Variants in IL18R1 observed in about 807,000 individuals in gnomAD.
The protein encoded by IL18R1 is interleukin-18 receptor 1.
In IL18R1, 40 loss-of-function variants were observed where a neutral mutation model predicts 48.5. The ratio of observed to expected loss-of-function variants is 0.82; its 90% confidence interval spans 0.64 to 1.07. The LOEUF is 1.07. Ranked by LOEUF, IL18R1 falls within the 50% of genes least tolerant of loss-of-function variation. The pLI is 0.00. For synonymous variants in IL18R1, 232 were observed against 225.9 expected (o/e 1.03, Z -0.24); for missense variants, 596 against 633.7 (o/e 0.94, Z 0.64).
intron 4 of IL18R1, among the ~76,000 whole-genome samples, chr2:102,374,501 G>A (rs1041633139): frequency 6.6e-5 from 10 of 152,168 alleles, no homozygotes; most frequent in South Asian, 2.1e-4. Flanking sequence ...AATTCCGTTC[G>A]GGTGCAGTGG....
intron 2 of IL18R1, among the ~76,000 whole-genome samples, chr2:102,364,846 A>G (rs10182710): frequency 0.44 from 66,689 of 151,908 alleles, 16,416 homozygotes; most frequent in African/African-American, 0.66. Context: ...GGCATCAAGG[A>G]GAAGGCTGAG....
intron 3 of IL18R1, 93 bp downstream of exon 3, chr2:102,368,161 T>A (rs1231115623): frequency 2.9e-6 from 4 of 1,376,920 alleles, no homozygotes; most frequent in Non-Finnish European, 4.1e-6. Flanking sequence ...GGTCAGATAA[T>A]CACCACATCC....
At chr2:102,382,110 T>C (rs1037719257) in intron 6 of IL18R1, among the ~76,000 whole-genome samples, 3 of 151,968 alleles carry the variant, frequency 2.0e-5, no homozygotes, top group African/African-American at 7.3e-5. Flanking sequence ...CCATCTCTAC[T>C]AAAAATACAA....
intron 9 of IL18R1, 56 bp from the exon 10 acceptor site, chr2:102,394,413 T>C: frequency 2.2e-6 from 3 of 1,376,020 alleles, no homozygotes; most frequent in Non-Finnish European, 3.0e-6. Flanking sequence ...CTTAAGTTTG[T>C]ACTTAAATAA....
chr2:102,393,924 G>A (rs970149594), intron 9 of IL18R1, among the ~76,000 whole-genome samples: 2 of 152,112 alleles, frequency 1.3e-5, no homozygotes, highest in African/African-American at 4.8e-5. Flanking sequence ...CTAATGTGTT[G>A]TCTGTAACTT....
At chr2:102,396,479 T>A in intron 10 of IL18R1, 52 bp from the exon 11 acceptor site, 1 of 1,083,198 alleles carries the variant, frequency 9.2e-7, no homozygotes, top group Admixed American at 2.3e-5. Context: ...TTTTATCTCA[T>A]GTTCCCCCTT....
chr2:102,381,265 C>T (rs1679902166), intron 5 of IL18R1, among the ~76,000 whole-genome samples: 1 of 152,194 alleles, frequency 6.6e-6, no homozygotes, highest in Non-Finnish European at 1.5e-5. Flanking sequence ...CACTGGCCAG[C>T]TGAGGAGGAC....
rs772362542 is a variant in IL18R1 at position 102,390,232 on chromosome 2, G to T, written c.1111+15G>T. 1 of 1,609,164 alleles carries T rather than the reference G, an allele frequency of 6.2e-7. No homozygotes were observed. The highest frequency in any genetic ancestry group is 8.5e-7 in the Non-Finnish European group (1 of 1,175,810). On this transcript the variant is annotated intron_variant, in intron 9 of 10. Coordinates refer to ENST00000233957, the MANE Select transcript of IL18R1 (RefSeq NM_003855.5). Reference sequence around the variant, plus strand: ...AACATTAACAGGTAACACATATAATGCTGGAATTTCTTACCTTATGTTCTC... The same window carrying T: ...AACATTAACAGGTAACACATATAATTCTGGAATTTCTTACCTTATGTTCTC...
chr2:102,386,434 G>A (rs151149119), intron 7 of IL18R1, among the ~76,000 whole-genome samples: 198 of 152,260 alleles, frequency 1.3e-3, no homozygotes, highest in African/African-American at 4.7e-3. Context: ...CCAGTTTGTT[G>A]GATTCCATGG....
intron 5 of IL18R1, among the ~76,000 whole-genome samples, chr2:102,378,092 C>G (rs926414035): frequency 1.3e-5 from 2 of 152,094 alleles, no homozygotes; most frequent in Admixed American, 6.6e-5. Context: ...GAACCTACAC[C>G]CTCTTTCCCA....
At position 102,362,654 on chromosome 2, in the gene IL18R1, C is replaced by G. The variant is rs1678643641; in HGVS notation, c.-7C>G. On this transcript the variant is annotated 5_prime_UTR_variant, in exon 2 of 11. The change creates a new upstream start codon in the 5' untranslated region. Transcript: ENST00000233957. ...CCAGAGAAGCCATTTGAAGCAGAATCCAAACCATGAATTGTAGAGAATTAC... is the reference window on the plus strand; with the variant it reads ...CCAGAGAAGCCATTTGAAGCAGAATGCAAACCATGAATTGTAGAGAATTAC... 6.2e-7 allele frequency: 1 copy of G among 1,600,448 alleles called. No homozygotes were observed. Among genetic ancestry groups the G allele is most frequent in the Non-Finnish European group, 8.5e-7 (1 of 1,175,642 alleles).
At chr2:102,375,196 C>A (rs1679504305) in intron 4 of IL18R1, among the ~76,000 whole-genome samples, 2 of 152,130 alleles carry the variant, frequency 1.3e-5, no homozygotes, top group Admixed American at 6.6e-5. Flanking sequence ...GGCCATTCAG[C>A]CCCCAGACAT....
intron 3 of IL18R1, among the ~76,000 whole-genome samples, chr2:102,368,529 G>T (rs1679047788): frequency 6.6e-6 from 1 of 152,164 alleles, no homozygotes; most frequent in Non-Finnish European, 1.5e-5. Context: ...GGGGCTCACT[G>T]GGAGCCAGGT....
At chr2:102,391,287 A>G (rs1680557471) in intron 9 of IL18R1, among the ~76,000 whole-genome samples, 2 of 152,086 alleles carry the variant, frequency 1.3e-5, no homozygotes. Flanking sequence ...TTGATAGCAC[A>G]TCTGACCAAA....
intron 5 of IL18R1, among the ~76,000 whole-genome samples, chr2:102,377,886 A>G (rs1679684884): frequency 1.3e-5 from 2 of 152,166 alleles, no homozygotes; most frequent in Non-Finnish European, 2.9e-5. Context: ...ATTCACAGGA[A>G]CTCAGGAGTA....
chr2:102,371,681 A>G (rs56024240), intron 3 of IL18R1, among the ~76,000 whole-genome samples: 83 of 152,236 alleles, frequency 5.5e-4, no homozygotes, highest in Admixed American at 2.4e-3. Flanking sequence ...TATTGTCTGC[A>G]GTAGGATATG....
chr2:102,369,261 C>T (rs11465594), intron 3 of IL18R1, among the ~76,000 whole-genome samples: 1 of 152,200 alleles, frequency 6.6e-6, no homozygotes, highest in African/African-American at 2.4e-5. Flanking sequence ...TCTGGACAGG[C>T]CTGAGAGAGC....
intron 1 of IL18R1, among the ~76,000 whole-genome samples, chr2:102,361,838 T>A (rs554045130): frequency 7.2e-5 from 11 of 152,276 alleles, no homozygotes; most frequent in Admixed American, 1.3e-4. Context: ...AAAGTTGTAA[T>A]CAGAACTCCG....
At chr2:102,363,473 A>C (rs1185621629) in intron 2 of IL18R1, among the ~76,000 whole-genome samples, 2 of 152,146 alleles carry the variant, frequency 1.3e-5, no homozygotes, top group Non-Finnish European at 2.9e-5. Context: ...TATTATTGAG[A>C]TCCCTGCAAT....
Sources: allele counts gnomAD v4.1 joint callset (sites outside exome capture counted in the v4.1 genomes callset), GRCh38; gene constraint gnomAD v4.1.1; transcripts MANE v1.5; gene names NCBI Gene and HGNC (gene_info 2026-07-23, HGNC 2026-07-21).